EZR: variants seen among roughly 807,000 people sequenced by gnomAD.
EZR encodes the protein cytovillin 2.
A neutral mutation model predicts 74.8 loss-of-function variants in EZR; 40 were observed. The observed-to-expected ratio is 0.53, with a 90% CI of 0.42 to 0.70. The LOEUF (loss-of-function observed/expected upper bound fraction) is 0.70. Among genes scored for constraint, EZR ranks in the 30% least tolerant of loss-of-function variants. The probability of loss-of-function intolerance (pLI) is 0.00; values close to 1 mark genes in which losing one functional copy is unlikely to be tolerated. For missense variants in EZR, 678 were observed against 755.8 expected, an observed-to-expected ratio of 0.90 and a Z score of 1.21; for synonymous variants, 341 against 283.3, an observed-to-expected ratio of 1.20 and a Z score of -2.05.
At chr6:158,789,466 C>T (rs374768176) in intron 2 of EZR, 95 bp from the exon 3 acceptor site, 13 of 1,109,778 alleles carry the variant, frequency 1.2e-5, no homozygotes, top group Non-Finnish European at 1.7e-5. Flanking sequence ...CTCAGTGTGG[C>T]GACGGCATAT....
Position 158,767,474 on chromosome 6 carries a change from C to G in EZR, c.1383G>C (p.Glu461Asp), listed in dbSNP as rs1351371407. The G allele has an allele frequency of 6.2e-7, 1 of 1,608,670 alleles. No homozygotes were observed. Among genetic ancestry groups the G allele is most frequent in the African/African-American group, 1.3e-5 (1 of 74,818 alleles). Residue 461 changes from glutamate (E) to aspartate (D), a missense_variant, in exon 13 of 14, where the codon GAG (glutamate) becomes GAC (aspartate). Around this residue, in one of 3 missense-constraint regions of EZR, gnomAD observed 342 missense variants for 341.2 expected, o/e 1.00. Coordinates refer to ENST00000367075, the MANE Select transcript of EZR (RefSeq NM_001111077.2). Reference sequence around the variant, plus strand: ...GTGCTGTCATCACCAGGTGCAGCTCCTCCTTGGTCTTCACCAGGTCATCCT... The same window carrying G: ...GTGCTGTCATCACCAGGTGCAGCTCGTCCTTGGTCTTCACCAGGTCATCCT... ...EAQDDLVKTK[E>D]ELHLVMTAPP... is the part of the protein sequence containing the mutation.
In EZR at chr6:158,784,698, T is replaced by C. The variant is rs1468410958; in HGVS notation, c.497A>G (p.Asp166Gly). Residue 166 changes from aspartate to glycine, a missense_variant, in exon 6 of 14, where the codon GAC becomes GGC. Physicochemically the swap from Asp to Gly is moderately conservative, Grantham distance 94. Transcript: ENST00000367075. Reference sequence around the variant, plus strand: ...CACCTGGATCCGGTCCTCCCACTGGTCCCTGGTAAGTTTGTGCTGGTCCAT... The same window carrying C: ...CACCTGGATCCGGTCCTCCCACTGGCCCCTGGTAAGTTTGTGCTGGTCCAT... ...RVMDQHKLTR[D>G]QWEDRIQVWH... The C allele has an allele frequency of 3.1e-6, 5 of 1,614,184 alleles. No homozygotes were observed. The highest frequency in any genetic ancestry group is 4.2e-6 in the Non-Finnish European group (5 of 1,180,032).
rs1250626456 is a variant in EZR, at chr6:158,766,992, G to A, written c.1683C>T (p.Gly561=). 2 of 1,614,222 alleles carry A rather than the reference G, an allele frequency of 1.2e-6. No homozygotes were observed. Among genetic ancestry groups the A allele is most frequent in the South Asian group, 2.2e-5 (2 of 91,084 alleles). ...DIIHNENMRQ[G]RDKYKTLRQI... ...GCCGCAGCGTCTTGTACTTGTCCCG[G>A]CCTTGCCTCATGTTCTCGTTGTGGA... Residue 561 remains glycine (G), a synonymous_variant, in exon 14 of 14, where the codon GGC becomes GGT. Coordinates refer to ENST00000367075, the MANE Select transcript of EZR (RefSeq NM_001111077.2).
At chr6:158,798,234 C>T (rs1777113983) in intron 2 of EZR, among the ~76,000 whole-genome samples, 1 of 138,740 alleles carries the variant, frequency 7.2e-6, no homozygotes, top group African/African-American at 2.6e-5. Context: ...AGGTGATGGA[C>T]ATTTAACTTG....
intron 8 of EZR, among the ~76,000 whole-genome samples, chr6:158,772,696 T>C (rs576422822): frequency 3.9e-5 from 6 of 152,304 alleles, no homozygotes; most frequent in East Asian, 1.9e-4. Flanking sequence ...GAAACTCCCA[T>C]GAAAAGTTAT....
chr6:158,791,170 C>A (rs1182120429), intron 2 of EZR, among the ~76,000 whole-genome samples: 1 of 152,130 alleles, frequency 6.6e-6, no homozygotes, highest in African/African-American at 2.4e-5. Flanking sequence ...AAAGGCTCCC[C>A]GACTGGTACA....
At chr6:158,785,256 C>T (rs746229713) in intron 5 of EZR, 53 bp downstream of exon 5, 4 of 1,596,540 alleles carry the variant, frequency 2.5e-6, no homozygotes, top group Non-Finnish European at 3.4e-6. Flanking sequence ...TCACTTCTCC[C>T]TGCCGAGGAC....
chr6:158,798,074 T>C (rs557777596), intron 2 of EZR, among the ~76,000 whole-genome samples: 2 of 152,348 alleles, frequency 1.3e-5, no homozygotes, highest in South Asian at 4.1e-4. Flanking sequence ...AGACAGAATT[T>C]TGTAATATGC....
intron 8 of EZR, among the ~76,000 whole-genome samples, chr6:158,774,964 G>A (rs964396716): frequency 5.3e-5 from 8 of 151,356 alleles, no homozygotes; most frequent in African/African-American, 7.3e-5. Flanking sequence ...CATTCAATAC[G>A]CGTTTAATTT....
chr6:158,806,068 G>GTTA (rs1777333252), intron 2 of EZR, among the ~76,000 whole-genome samples: 1 of 152,232 alleles, frequency 6.6e-6, no homozygotes, highest in African/African-American at 2.4e-5. Flanking sequence ...CAAAGTAATA[G>GTTA]TGGAAAAAAC....
intron 2 of EZR, among the ~76,000 whole-genome samples, chr6:158,797,812 C>G (rs1184854588): frequency 6.6e-6 from 1 of 152,164 alleles, no homozygotes; most frequent in African/African-American, 2.4e-5. Flanking sequence ...TCACTATGTA[C>G]TTTAAATAGC....
chr6:158,787,947 T>TAA (rs1213709569), intron 3 of EZR, among the ~76,000 whole-genome samples: 1 of 152,230 alleles, frequency 6.6e-6, no homozygotes, highest in Non-Finnish European at 1.5e-5. Flanking sequence ...GACTGTCTTG[T>TAA]AAACAGAAAA....
chr6:158,814,542 A>G (rs1777513880), intron 2 of EZR, among the ~76,000 whole-genome samples: 2 of 120,430 alleles, frequency 1.7e-5, no homozygotes, highest in Non-Finnish European at 3.3e-5. Context: ...TGATGAATAA[A>G]GTCTTTTTTT....
Position 158,767,081 on chromosome 6 carries a change from G to A in EZR, c.1597-3C>T, listed in dbSNP as rs1394470154. ...TGGGACAGCTCGCTGCTCAGCGTCT[G>A]TAACATTAAGCAGCATTGGTCTAGT... On this transcript the variant is annotated splice_region_variant and splice_polypyrimidine_tract_variant and intron_variant, in intron 13 of 13. Transcript: ENST00000367075. 3.7e-6 allele frequency: 6 copies of A among 1,614,004 alleles called. No homozygotes were observed. Among genetic ancestry groups the A allele is most frequent in the Non-Finnish European group, 4.2e-6 (5 of 1,180,004 alleles).
rs554824127 is a variant in EZR at position 158,800,687 on chromosome 6, A to G, written c.13-11316T>C. 6.6e-5 allele frequency among the ~76,000 whole-genome samples: 10 copies of G among 152,278 alleles called. No homozygotes were observed. The South Asian group carries it at 1.9e-3, about 28-fold the overall frequency. ...TGTGGTGGTGCACATTGGTAATCCC[A>G]GATACACCAGGGAATAAGGCAGGAC... is the stretch of plus-strand genomic sequence containing the variant. On this transcript the variant is annotated intron_variant, in intron 2 of 13. Coordinates refer to ENST00000367075, the MANE Select transcript of EZR (RefSeq NM_001111077.2).
intron 8 of EZR, among the ~76,000 whole-genome samples, chr6:158,773,306 G>C (rs1364738347): frequency 6.6e-6 from 1 of 152,210 alleles, no homozygotes; most frequent in African/African-American, 2.4e-5. Context: ...AGAATTTGGG[G>C]AGTCCACTGC....
At chr6:158,811,330 C>T (rs1440086423) in intron 2 of EZR, among the ~76,000 whole-genome samples, 1 of 93,428 alleles carries the variant, frequency 1.1e-5, no homozygotes, top group Non-Finnish European at 2.6e-5. Flanking sequence ...TTCACTGCTT[C>T]AGAATAGAGC....
rs530429714 is a variant in EZR at position 158,812,335 on chromosome 6, A to T, written c.12+5747T>A. On this transcript the variant is annotated intron_variant, in intron 2 of 13. Transcript: ENST00000367075. ...CTTGATTGGGGTGCAGGAGAAAGGAATATATAATAACTGCCCTTTTCCTAT... is the reference window on the plus strand; with the variant it reads ...CTTGATTGGGGTGCAGGAGAAAGGATTATATAATAACTGCCCTTTTCCTAT... Among the ~76,000 whole-genome samples the T allele has an allele frequency of 2.0e-5, 3 of 152,278 alleles. No individual in the cohort carries two copies. The South Asian group carries it at 6.2e-4, about 32-fold the overall frequency.
chr6:158,807,207 C>T (rs997912735), intron 2 of EZR, among the ~76,000 whole-genome samples: 7 of 150,800 alleles, frequency 4.6e-5, no homozygotes, highest in Non-Finnish European at 1.0e-4. Flanking sequence ...CCCAGCTACT[C>T]GGGAGGCTGA....
Sources: gnomAD v4.1 joint callset for allele counts (sites outside exome capture counted in the v4.1 genomes callset) on GRCh38, gnomAD v4.1.1 for gene constraint, gnomAD v4.1.1 regional missense constraint, MANE v1.5 for transcripts, NCBI Gene and HGNC (gene_info 2026-07-23, HGNC 2026-07-21) for gene names.